The following MORN1 variants were observed in gnomAD, a reference collection of about 807,000 sequenced individuals.
MORN1 encodes MORN repeat-containing protein 1.
MORN1 carries 67 observed loss-of-function variants against 61.9 expected under a neutral mutation model. That is an observed-to-expected ratio of 1.08 (90% CI 0.89 to 1.33). The LOEUF (loss-of-function observed/expected upper bound fraction) is 1.33, where lower values mean the gene tolerates loss of function less well. Among genes scored for constraint, MORN1 ranks in the 40% most tolerant of loss-of-function variants. The pLI is 0.00. For missense variants in MORN1, 752 were observed against 691.2 expected (o/e 1.09, Z -0.99); for synonymous variants, 301 against 292.0 (o/e 1.03, Z -0.31).
Position 2,385,826 on chromosome 1 carries a change from G to C in MORN1, c.430C>G (p.Pro144Ala). The stretch of plus-strand genomic sequence containing the variant: ...ACTCACTGAAAGAGCATCTGCCCAG[G>C]GCCGTGCCTCTTGTTGTCATGGAAG... ...GSFHDNKRHG[P>A]GQMLFQNGDK... The change falls in exon 5 of 14, where the codon CCT (proline) becomes GCT (alanine). Residue 144 changes from proline (P) to alanine (A), a missense_variant. Pro to Ala is a conservative substitution (Grantham distance 27, BLOSUM62 -1). Transcript: ENST00000378531. 6.2e-7 allele frequency: 1 copy of C among 1,613,868 alleles called. No individual in the cohort carries two copies. Among genetic ancestry groups the C allele is most frequent in the Non-Finnish European group, 8.5e-7 (1 of 1,179,968 alleles).
chr1:2,362,124 C>G (rs576863665), intron 8 of MORN1, among the ~76,000 whole-genome samples: 24 of 151,602 alleles, frequency 1.6e-4, no homozygotes, highest in Middle Eastern at 3.4e-3. Context: ...CCCAGCTACT[C>G]GGGAGGCTGA....
chr1:2,322,430 C>T (rs1350344017), intron 13 of MORN1: 18 of 985,300 alleles, frequency 1.8e-5, no homozygotes, highest in Non-Finnish European at 2.2e-5. Context: ...AAACAGCGCT[C>T]CCCTCGCAGA....
chr1:2,347,028 C>T (rs1427546506), intron 10 of MORN1, among the ~76,000 whole-genome samples: 1 of 152,152 alleles, frequency 6.6e-6, no homozygotes, highest in African/African-American at 2.4e-5. Context: ...TAGGGAGCTT[C>T]TTGGGACATG....
intron 8 of MORN1, chr1:2,363,774 A>AAAAT (rs1398405042): frequency 1.5e-5 from 2 of 129,066 alleles, no homozygotes; most frequent in Non-Finnish European, 3.2e-5. Flanking sequence ...AAAAAGAAAA[A>AAAAT]ATCAGTTAGA....
At position 2,337,548 on chromosome 1, in the gene MORN1, A is replaced by G. The variant is rs1641307095; in HGVS notation, c.1037-698T>C. On this transcript the variant is annotated intron_variant, in intron 10 of 13. Transcript: ENST00000378531. This position sits in a 1 kb window ranked among gnomAD's most constrained non-coding sequence, Gnocchi z 5.7. ...CTCCCCTCTGGCTTCCCCCACGCAC[A>G]GATGGAGCTGCAGCCCCCAGGGCCC... 6.6e-6 allele frequency among the ~76,000 whole-genome samples: 1 copy of G among 152,186 alleles called. No individual in the cohort carries two copies. The highest frequency in any genetic ancestry group is 1.5e-5 in the Non-Finnish European group (1 of 68,020).
At chr1:2,354,025 C>T (rs1038127894) in intron 10 of MORN1, among the ~76,000 whole-genome samples, 4 of 152,240 alleles carry the variant, frequency 2.6e-5, no homozygotes, top group African/African-American at 9.6e-5. Context: ...TGGCTCACGC[C>T]TGTGATCCCA....
intron 10 of MORN1, among the ~76,000 whole-genome samples, chr1:2,341,606 G>T (rs572951448): frequency 4.6e-5 from 7 of 151,746 alleles, no homozygotes; most frequent in Non-Finnish European, 8.8e-5. Flanking sequence ...CACGAGAATC[G>T]CTTGAACACG....
intron 12 of MORN1, among the ~76,000 whole-genome samples, chr1:2,329,877 A>T (rs1476857139): frequency 6.6e-6 from 1 of 152,242 alleles, no homozygotes; most frequent in Admixed American, 6.5e-5. Flanking sequence ...TGAGCAGGCC[A>T]GGCTCAGGCC....
intron 10 of MORN1, among the ~76,000 whole-genome samples, chr1:2,353,277 C>T (rs1557878337): frequency 6.6e-6 from 1 of 152,270 alleles, no homozygotes; most frequent in Non-Finnish European, 1.5e-5. Flanking sequence ...ACACGCTGGA[C>T]AGCCTCAGAA....
At chr1:2,331,072 C>A (rs554202717) in intron 12 of MORN1, among the ~76,000 whole-genome samples, 1 of 152,244 alleles carries the variant, frequency 6.6e-6, no homozygotes, top group South Asian at 2.1e-4. Flanking sequence ...CGGGCACGTG[C>A]GGGGCCCTCA....
At chr1:2,383,576 C>T (rs1227735867) in intron 6 of MORN1, among the ~76,000 whole-genome samples, 1 of 152,262 alleles carries the variant, frequency 6.6e-6, no homozygotes, top group Non-Finnish European at 1.5e-5. Context: ...TGTTGCGTTT[C>T]TCATCAAAGC....
intron 4 of MORN1, chr1:2,386,315 C>T (rs1349067138): frequency 1.1e-5 from 2 of 178,042 alleles, no homozygotes; most frequent in Non-Finnish European, 2.4e-5. Context: ...GAGGGCAGGG[C>T]TTGACCTGAA....
intron 10 of MORN1, chr1:2,351,800 G>C (rs926716729): frequency 5.3e-6 from 3 of 561,956 alleles, no homozygotes; most frequent in South Asian, 1.5e-5. Context: ...CATCTTGTAG[G>C]ATACGTCTCA....
chr1:2,346,995 A>T lies in MORN1; in HGVS notation c.1037-10145T>A, dbSNP rs1324242317. On this transcript the variant is annotated intron_variant, in intron 10 of 13. Coordinates refer to ENST00000378531, the MANE Select transcript of MORN1 (RefSeq NM_024848.3). Reference sequence around the variant, plus strand: ...GTGCTCCCTTCCTCCTAGGAGAGGGACTCCTGGGTCCTTCTTGGGAGATAG... The same window carrying T: ...GTGCTCCCTTCCTCCTAGGAGAGGGTCTCCTGGGTCCTTCTTGGGAGATAG... Among the ~76,000 whole-genome samples, 4 of 151,596 alleles carry T rather than the reference A, an allele frequency of 2.6e-5. No individual in the cohort carries two copies. In the East Asian group the frequency reaches 7.8e-4, roughly 30 times the overall value.
At chr1:2,332,239 A>C in intron 12 of MORN1, 1 of 216,238 alleles carries the variant, frequency 4.6e-6, no homozygotes. Flanking sequence ...CCCCCAGTGG[A>C]TGCTGAGAGG....
intron 4 of MORN1, chr1:2,386,134 A>G (rs1642493320): frequency 3.7e-6 from 2 of 535,170 alleles, no homozygotes; most frequent in East Asian, 6.3e-5. Context: ...CAGGTCGGTG[A>G]GCTGACAGGG....
At chr1:2,387,990 A>G (rs1642546053) in intron 3 of MORN1, 2 of 497,148 alleles carry the variant, frequency 4.0e-6, no homozygotes, top group African/African-American at 3.9e-5. Context: ...GCTTTAAATA[A>G]AAAAGAAATA....
intron 8 of MORN1, among the ~76,000 whole-genome samples, chr1:2,359,979 A>T (rs1479163235): frequency 6.6e-6 from 1 of 152,170 alleles, no homozygotes; most frequent in African/African-American, 2.4e-5. Context: ...TCAAGTGGGA[A>T]ATGACTGGAC....
intron 10 of MORN1, chr1:2,352,674 C>G (rs949656162): frequency 1.3e-5 from 2 of 152,332 alleles, no homozygotes; most frequent in Admixed American, 6.5e-5. Flanking sequence ...CTGCCCAGAC[C>G]TGGAGCTTCC....
Sources: gnomAD v4.1 joint callset for allele counts (sites outside exome capture counted in the v4.1 genomes callset) on GRCh38, gnomAD v4.1.1 for gene constraint, Gnocchi (gnomAD v3.1) non-coding constraint, MANE v1.5 for transcripts, NCBI Gene and HGNC (gene_info 2026-07-23, HGNC 2026-07-21) for gene names.